The following KIAA1217 variants were observed in gnomAD, a reference collection of about 807,000 sequenced individuals.
KIAA1217 encodes the protein KIAA1217.
A neutral mutation model predicts 163.9 loss-of-function variants in KIAA1217; 88 were observed. That is an observed-to-expected ratio of 0.54 (90% CI 0.45 to 0.64). The LOEUF is 0.64. Ranked by LOEUF, KIAA1217 falls within the 30% of genes least tolerant of loss-of-function variation. KIAA1217 has a pLI of 0.00. For missense variants in KIAA1217, 2,372 were observed against 2,475.0 expected, an observed-to-expected ratio of 0.96 and a Z score of 0.88; for synonymous variants, 903 against 923.1, an observed-to-expected ratio of 0.98 and a Z score of 0.39.
At chr10:24,248,009 C>A (rs1264927288) in intron 2 of KIAA1217, among the ~76,000 whole-genome samples, 1 of 152,192 alleles carries the variant, frequency 6.6e-6, no homozygotes, top group East Asian at 1.9e-4. Context: ...GGGAGGCCAG[C>A]AGTTTCTACA....
At chr10:24,376,695 G>T (rs112253843) in intron 2 of KIAA1217, among the ~76,000 whole-genome samples, 27,472 of 152,036 alleles carry the variant, frequency 0.18, 3,218 homozygotes, top group Non-Finnish European at 0.26. Flanking sequence ...CTGGGAGATC[G>T]AGGCTGCAGT....
At chr10:24,231,286 A>G (rs551716059) in intron 2 of KIAA1217, among the ~76,000 whole-genome samples, 1 of 152,296 alleles carries the variant, frequency 6.6e-6, no homozygotes, top group Non-Finnish European at 1.5e-5. Flanking sequence ...ACTGCACTCC[A>G]GCCTGGGTAA....
chr10:24,034,918 A>T (rs1416082921), intron 2 of KIAA1217, among the ~76,000 whole-genome samples: 1 of 152,162 alleles, frequency 6.6e-6, no homozygotes, highest in Non-Finnish European at 1.5e-5. Context: ...CTATCTGGGG[A>T]TGCTTTGCAG....
intron 2 of KIAA1217, among the ~76,000 whole-genome samples, chr10:24,343,220 T>G (rs990727034): frequency 2.0e-5 from 3 of 152,204 alleles, no homozygotes; most frequent in African/African-American, 7.2e-5. Flanking sequence ...TTACCAGAAA[T>G]GTTAGACCTA....
rs1220736228 is a variant in KIAA1217 at position 24,293,285 on chromosome 10, G to T, written c.354+73376G>T. Among the ~76,000 whole-genome samples the T allele has an allele frequency of 3.3e-5, 5 of 152,166 alleles. 1 individual carries two copies. The South Asian group carries it at 8.3e-4, about 25-fold the overall frequency. On this transcript the variant is annotated intron_variant, in intron 2 of 20. Transcript: ENST00000376454. ...AGGATTTCACCACATTGGCCAGCCT[G>T]GTCTTGAACTCCTGACCTCAAGTGA...
In KIAA1217 at chr10:23,702,666, TACACACACAC is replaced by T. The variant is rs377621544; in HGVS notation, c.-321+7466_-321+7475del. Among the ~76,000 whole-genome samples, 767 of 134,420 alleles carry T rather than the reference TACACACACAC, an allele frequency of 5.7e-3. 4 individuals are homozygous for T. The highest frequency in any genetic ancestry group is 0.014 in the Admixed American group (192 of 13,402). The allele number at this position is 134,420 out of a possible 152,430, so 88.2% of individuals were successfully genotyped here. ...TAGTTTACTTAACAGAACAGGAGAA[TACACACACAC>T]ACACACACACACACACACACACACA... On this transcript the variant is annotated intron_variant, in intron 1 of 18. Coordinates refer to the KIAA1217 transcript ENST00000376462.
In KIAA1217 at chr10:24,056,233, T is replaced by C. The variant is rs1411391694; in HGVS notation, c.-171+48859T>C. ...GTTCCAGATGCTTGGGGGTCTGAGA[T>C]GGGAGGATCGCTTGAGCCTGGGAGA... is the stretch of plus-strand genomic sequence containing the variant. On this transcript the variant is annotated intron_variant, in intron 2 of 18. Transcript: ENST00000376462. 5.3e-5 allele frequency among the ~76,000 whole-genome samples: 8 copies of C among 151,812 alleles called. No individual in the cohort carries two copies. In the South Asian group the frequency reaches 1.2e-3, roughly 24 times the overall value.
At chr10:23,934,384 G>GT (rs1183213766) in intron 1 of KIAA1217, among the ~76,000 whole-genome samples, 1 of 150,622 alleles carries the variant, frequency 6.6e-6, no homozygotes, top group Non-Finnish European at 1.5e-5. Flanking sequence ...CTGTTGGGGG[G>GT]TGAGGGGTGA....
intron 2 of KIAA1217, among the ~76,000 whole-genome samples, chr10:24,084,976 C>T (rs979335885): frequency 2.1e-5 from 3 of 144,000 alleles, no homozygotes; most frequent in African/African-American, 7.8e-5. Flanking sequence ...TGCAGTGGTG[C>T]CATCTCGGCT....
At chr10:24,488,985 C>T (rs193048731) in intron 6 of KIAA1217, among the ~76,000 whole-genome samples, 9 of 152,198 alleles carry the variant, frequency 5.9e-5, no homozygotes, top group African/African-American at 2.2e-4. Flanking sequence ...ATTAAGGGCT[C>T]AAAAATATTT....
chr10:24,341,079 C>T (rs1717892003), intron 2 of KIAA1217, among the ~76,000 whole-genome samples: 1 of 152,192 alleles, frequency 6.6e-6, no homozygotes, highest in Admixed American at 6.5e-5. Context: ...GCTGCCAAGT[C>T]CATATGGATT....
chr10:24,463,175 A>G (rs1282998062), intron 5 of KIAA1217, among the ~76,000 whole-genome samples: 1 of 152,180 alleles, frequency 6.6e-6, no homozygotes, highest in East Asian at 1.9e-4. Flanking sequence ...TCTTTTATCC[A>G]TCCTACAGCA....
At chr10:24,471,886 CAAAAAAAAAAA>C (rs749624402) in intron 5 of KIAA1217, among the ~76,000 whole-genome samples, 2 of 46,944 alleles carry the variant, frequency 4.3e-5, no homozygotes, top group Non-Finnish European at 4.6e-5. Context: ...GACTCCATCT[CAAAAAAAAAAA>C]AAAAAAAAAA....
chr10:23,700,918 AT>A (rs11292318), intron 1 of KIAA1217, among the ~76,000 whole-genome samples: 51,832 of 151,020 alleles, frequency 0.34, 10,732 homozygotes, highest in African/African-American at 0.58. Context: ...AAAGGAAGAG[AT>A]TTTTTTTTTC....
intron 1 of KIAA1217, among the ~76,000 whole-genome samples, chr10:23,716,906 A>T (rs1345151719): frequency 6.6e-6 from 1 of 151,994 alleles, no homozygotes; most frequent in African/African-American, 2.4e-5. Flanking sequence ...GATCCTAATT[A>T]TTCATTTTTC....
chr10:24,264,192 GC>G (rs1564367198), intron 2 of KIAA1217, among the ~76,000 whole-genome samples: 1 of 152,142 alleles, frequency 6.6e-6, no homozygotes, highest in East Asian at 1.9e-4. Context: ...AACGAGTACA[GC>G]GGGACTTTTC....
chr10:24,545,094 A>AT lies in KIAA1217; in HGVS notation c.5326dup (p.Tyr1776LeufsTer5). The AT allele has an allele frequency of 1.2e-6, 2 of 1,614,186 alleles. No homozygotes were observed. Among genetic ancestry groups the AT allele is most frequent in the Non-Finnish European group, 1.7e-6 (2 of 1,180,016 alleles). ...AGTCCAAACTGCAGGATCCCCGCCA[A>AT]TATCGTCAGGTAGTTTTACCTTAAA... On this transcript the variant is annotated frameshift_variant, in exon 20 of 21. Coordinates refer to ENST00000376454, the MANE Select transcript of KIAA1217 (RefSeq NM_019590.5). LOFTEE classifies it high-confidence loss of function.
intron 2 of KIAA1217, among the ~76,000 whole-genome samples, chr10:24,170,038 T>C (rs1331275870): frequency 6.6e-6 from 1 of 152,246 alleles, no homozygotes; most frequent in Non-Finnish European, 1.5e-5. Context: ...AGCTCTCTGC[T>C]AGCCATGGAA....
intron 2 of KIAA1217, among the ~76,000 whole-genome samples, chr10:24,176,861 C>A (rs934870430): frequency 2.0e-5 from 3 of 151,822 alleles, no homozygotes; most frequent in Non-Finnish European, 2.9e-5. Context: ...AGGTCCCGAG[C>A]CCTGCCCCAC....
Sources: gnomAD v4.1 joint callset for allele counts (sites outside exome capture counted in the v4.1 genomes callset) on GRCh38, gnomAD v4.1.1 for gene constraint, MANE v1.5 for transcripts, NCBI Gene and HGNC (gene_info 2026-07-23, HGNC 2026-07-21) for gene names.